The following MSH4 variants were observed in gnomAD, a reference collection of about 807,000 sequenced individuals.
MSH4 encodes mutS protein homolog 4.
MSH4 carries 106 observed loss-of-function variants against 113.7 expected under a neutral mutation model. That is an observed-to-expected ratio of 0.93 (90% CI 0.80 to 1.10). The LOEUF (loss-of-function observed/expected upper bound fraction) is 1.10. Among genes scored for constraint, MSH4 ranks in the 50% least tolerant of loss-of-function variants. MSH4 has a pLI of 0.00. For missense variants in MSH4, 1,061 were observed against 1,093.7 expected (o/e 0.97, Z 0.42); for synonymous variants, 368 against 380.2 (o/e 0.97, Z 0.37).
At chr1:75,882,750 G>A (rs1333154255) in intron 14 of MSH4, among the ~76,000 whole-genome samples, 1 of 151,660 alleles carries the variant, frequency 6.6e-6, no homozygotes, top group Non-Finnish European at 1.5e-5. Flanking sequence ...GAGGCAGGCA[G>A]GAGGATGGCT....
At chr1:75,886,499 A>G (rs1339999456) in intron 15 of MSH4, among the ~76,000 whole-genome samples, 2 of 113,518 alleles carry the variant, frequency 1.8e-5, no homozygotes, top group African/African-American at 6.7e-5. Context: ...ATTATATATG[A>G]TGTATTATAT....
intron 6 of MSH4, among the ~76,000 whole-genome samples, chr1:75,822,029 C>A (rs866413534): frequency 2.0e-5 from 3 of 152,164 alleles, no homozygotes; most frequent in South Asian, 2.1e-4. Context: ...CGCCTGTAAT[C>A]CCAGCACTTT....
chr1:75,876,789 T>C (rs1651826627), intron 9 of MSH4, 147 bp from the exon 10 acceptor site: 2 of 388,744 alleles, frequency 5.1e-6, no homozygotes, highest in African/African-American at 2.1e-5. Flanking sequence ...CTCAGCTAGA[T>C]AGCTACAAAT....
chr1:75,895,248 C>A (rs887479370), intron 17 of MSH4, among the ~76,000 whole-genome samples: 1 of 152,160 alleles, frequency 6.6e-6, no homozygotes, highest in Non-Finnish European at 1.5e-5. Context: ...TGGACTACTA[C>A]TCCACAATGC....
At chr1:75,882,657 C>A (rs918201394) in intron 14 of MSH4, among the ~76,000 whole-genome samples, 1 of 100,102 alleles carries the variant, frequency 1.0e-5, no homozygotes, top group Admixed American at 1.3e-4. Flanking sequence ...AGCTAGACCT[C>A]ATTTCTAAAA....
intron 8 of MSH4, among the ~76,000 whole-genome samples, chr1:75,853,514 G>T (rs771027554): frequency 6.6e-6 from 1 of 152,046 alleles, no homozygotes; most frequent in African/African-American, 2.4e-5. Flanking sequence ...TGGTTGAGAT[G>T]GTGTAAAATT....
chr1:75,906,121 G>T (rs1019176163), intron 19 of MSH4, among the ~76,000 whole-genome samples: 1 of 151,670 alleles, frequency 6.6e-6, no homozygotes, highest in African/African-American at 2.4e-5. Context: ...CTCCCAAGTA[G>T]CTGGGATTAC....
intron 10 of MSH4, 28 bp from the exon 11 acceptor site, chr1:75,878,121 A>C: frequency 1.4e-6 from 2 of 1,461,844 alleles, no homozygotes; most frequent in Non-Finnish European, 1.9e-6. Context: ...TATTGCCTAT[A>C]ATGTTTTTCT....
rs1426219363 is a variant in MSH4, at chr1:75,803,859, G to A, written c.373G>A (p.Gly125Arg). The change falls in exon 2 of 20, where the codon GGA (glycine) becomes AGA (arginine). Residue 125 changes from glycine to arginine, a missense_variant. Gly to Arg is a moderately radical substitution (Grantham distance 125, BLOSUM62 -2). Coordinates refer to ENST00000263187, the MANE Select transcript of MSH4 (RefSeq NM_002440.4). ...PQTLKTPLST[G>R]NPQRSGYKSW... ...AACACTTAAAACTCCATTGTCTACT[G>A]GAAATCCTCAGAGATCAGGTTATAA... is the stretch of plus-strand genomic sequence containing the variant. 1.9e-6 allele frequency: 3 copies of A among 1,596,426 alleles called. No homozygotes were observed. Among genetic ancestry groups the A allele is most frequent in the Non-Finnish European group, 2.6e-6 (3 of 1,172,160 alleles).
chr1:75,815,087 C>G lies in MSH4; in HGVS notation c.766C>G (p.Gln256Glu). The G allele has an allele frequency of 1.2e-6, 2 of 1,607,270 alleles. No individual in the cohort carries two copies. The highest frequency in any genetic ancestry group is 1.7e-6 in the Non-Finnish European group (2 of 1,176,448). ...AACAAAAGGATTAGAGTACATTGAA[C>G]AGTTATGCATAGCAGAATTCAGCAC... ...NETKGLEYIE[Q>E]LCIAEFSTVL... Residue 256 changes from glutamine (Q) to glutamate (E), a missense_variant, in exon 5 of 20, where the codon CAG becomes GAG. Gln to Glu is a conservative substitution (Grantham distance 29). Transcript: ENST00000263187.
chr1:75,805,624 T>G (rs187215358), intron 2 of MSH4, among the ~76,000 whole-genome samples: 52 of 152,058 alleles, frequency 3.4e-4, no homozygotes, highest in Admixed American at 1.4e-3. Flanking sequence ...TGGCCACAAG[T>G]GATCCTCCCA....
intron 17 of MSH4, among the ~76,000 whole-genome samples, chr1:75,895,026 G>T (rs975968776): frequency 4.6e-5 from 7 of 152,076 alleles, no homozygotes; most frequent in African/African-American, 7.2e-5. Flanking sequence ...CAAAATATCT[G>T]CTTCCAGTTT....
intron 7 of MSH4, among the ~76,000 whole-genome samples, chr1:75,839,099 A>C (rs775748886): frequency 1.3e-4 from 20 of 152,188 alleles, no homozygotes; most frequent in Non-Finnish European, 2.4e-4. Context: ...AATTTTGATG[A>C]TAAACTTGGA....
At chr1:75,861,341 G>T (rs1375490272) in intron 8 of MSH4, among the ~76,000 whole-genome samples, 2 of 152,172 alleles carry the variant, frequency 1.3e-5, no homozygotes, top group Non-Finnish European at 2.9e-5. Context: ...AGGAGAAAAG[G>T]TGTTCTGGTT....
intron 1 of MSH4, among the ~76,000 whole-genome samples, chr1:75,802,965 C>T (rs1426932152): frequency 1.3e-5 from 2 of 152,058 alleles, no homozygotes; most frequent in Non-Finnish European, 2.9e-5. Context: ...TATAAAACCA[C>T]CAGTCCTACT....
chr1:75,814,915 T>A, intron 4 of MSH4, 106 bp from the exon 5 acceptor site: 1 of 643,062 alleles, frequency 1.6e-6, no homozygotes, highest in South Asian at 1.8e-5. Context: ...ATGTTGAAAT[T>A]TTTATACAAT....
In MSH4 at chr1:75,883,754, A is replaced by G. The variant is rs747930411; in HGVS notation, c.2040A>G (p.Gly680=). The change falls in exon 15 of 20, where the codon GGA becomes GGG. Residue 680 remains glycine, a synonymous_variant. Transcript: ENST00000263187. ...TEGSNFLIIT[G]PNMSGKSTYL... ...GGAGTAATTTTTTGATCATAACTGG[A>G]CCAAACATGAGTGGAAAATCCACAT... is the stretch of plus-strand genomic sequence containing the variant. 6.2e-7 allele frequency: 1 copy of G among 1,613,420 alleles called. No homozygotes were observed. Among genetic ancestry groups the G allele is most frequent in the Non-Finnish European group, 8.5e-7 (1 of 1,179,640 alleles).
chr1:75,898,552 T>C (rs1386423689), intron 18 of MSH4, among the ~76,000 whole-genome samples: 1 of 147,950 alleles, frequency 6.8e-6, no homozygotes. Context: ...AAAGTCTCAC[T>C]CTGTCGCCCA....
At chr1:75,900,356 C>A (rs1048813509) in intron 19 of MSH4, among the ~76,000 whole-genome samples, 5 of 152,212 alleles carry the variant, frequency 3.3e-5, no homozygotes, top group African/African-American at 1.2e-4. Context: ...GGCTGGAGTG[C>A]AATGGCATGA....
Sources: allele counts gnomAD v4.1 joint callset (sites outside exome capture counted in the v4.1 genomes callset), GRCh38; gene constraint gnomAD v4.1.1; transcripts MANE v1.5; gene names NCBI Gene and HGNC (gene_info 2026-07-23, HGNC 2026-07-21).